Variants in MMP9 observed in about 807,000 individuals in gnomAD.
MMP9 encodes matrix metalloproteinase-9.
In MMP9, 73 loss-of-function variants were observed where a neutral mutation model predicts 76.4. That is an observed-to-expected ratio of 0.96 (90% CI 0.79 to 1.16). MMP9 has a LOEUF of 1.16. MMP9 is among the 50% of genes most tolerant of loss of function. The probability of loss-of-function intolerance (pLI) is 0.00; values close to 1 mark genes in which losing one functional copy is unlikely to be tolerated. For synonymous variants in MMP9, 412 were observed against 408.4 expected, an observed-to-expected ratio of 1.01 and a Z score of -0.11; for missense variants, 943 against 973.0, an observed-to-expected ratio of 0.97 and a Z score of 0.41.
At chr20:46,010,331 A>ACAAACAAAC (rs1568846626) in intron 2 of MMP9, 152 bp from the exon 3 acceptor site, 28 of 762,192 alleles carry the variant, frequency 3.7e-5, no homozygotes, top group African/African-American at 1.9e-4. Flanking sequence ...CAAAAAAAAA[A>ACAAACAAAC]AAAAAAAAAA....
chr20:46,010,337 A>AAAAAAAAAAAAC (rs1272580918), intron 2 of MMP9, 146 bp from the exon 3 acceptor site: 33 of 898,442 alleles, frequency 3.7e-5, no homozygotes, highest in Admixed American at 2.4e-4. Context: ...AAAAAAAAAA[A>AAAAAAAAAAAAC]AAAACAGTCT....
Position 46,010,074 on chromosome 20 carries a change from G to T in MMP9, c.347G>T (p.Trp116Leu). 1 of 1,550,152 alleles carries T rather than the reference G, an allele frequency of 6.5e-7. No individual in the cohort carries two copies. The highest frequency in any genetic ancestry group is 1.2e-5 in the South Asian group (1 of 83,984). The change falls in exon 2 of 13, where the codon TGG (tryptophan) becomes TTG (leucine). Residue 116 changes from tryptophan (W) to leucine (L), a missense_variant. Transcript: ENST00000372330. ...RFQTFEGDLKWHHHNITYWIQ... is the reference protein window; with the variant it reads ...RFQTFEGDLKLHHHNITYWIQ... ...CAAACCTTTGAGGGCGACCTCAAGT[G>T]GCACCACCACAACATCACCTATTGG... is the stretch of plus-strand genomic sequence containing the variant.
rs1600573638 is a variant in MMP9, at chr20:46,008,941, G to A, written c.15G>A (p.Gln5=). 3 of 1,613,862 alleles carry A rather than the reference G, an allele frequency of 1.9e-6. No individual in the cohort carries two copies. Among genetic ancestry groups the A allele is most frequent in the East Asian group, 4.5e-5 (2 of 44,872 alleles). The change falls in exon 1 of 13, where the codon CAG becomes CAA. Residue 5 remains glutamine (Q), a synonymous_variant. Coordinates refer to ENST00000372330, the MANE Select transcript of MMP9 (RefSeq NM_004994.3). ...CTGCCCTCACCATGAGCCTCTGGCA[G>A]CCCCTGGTCCTGGTGCTCCTGGTGC... is the stretch of plus-strand genomic sequence containing the variant. MSLW[Q]PLVLVLLVLG...
intron 12 of MMP9, among the ~76,000 whole-genome samples, chr20:46,015,012 T>G (rs1364710855): frequency 1.3e-5 from 2 of 152,232 alleles, no homozygotes; most frequent in African/African-American, 4.8e-5. Flanking sequence ...CCATCTTCTT[T>G]ATAAACACCC....
chr20:46,010,760 C>T, intron 3 of MMP9, 129 bp downstream of exon 3: 1 of 1,543,086 alleles, frequency 6.5e-7, no homozygotes, highest in Non-Finnish European at 8.8e-7. Flanking sequence ...GCTTATACGG[C>T]CCCTCCTGCC....
At chr20:46,012,836 TA>T (rs1229552308) in intron 8 of MMP9, among the ~76,000 whole-genome samples, 11 of 152,200 alleles carry the variant, frequency 7.2e-5, no homozygotes, top group African/African-American at 2.4e-4. Flanking sequence ...CTCACGCCTC[TA>T]ATCCCAGGGC....
At chr20:46,014,870 CCA>C (rs1435441403) in intron 12 of MMP9, 1 of 221,356 alleles carries the variant, frequency 4.5e-6, no homozygotes, top group Non-Finnish European at 9.1e-6. Context: ...CTCAGTTTCC[CCA>C]TCTGTAATAT....
intron 12 of MMP9, among the ~76,000 whole-genome samples, chr20:46,015,663 G>A (rs977512415): frequency 7.2e-5 from 11 of 151,962 alleles, no homozygotes; most frequent in Non-Finnish European, 1.6e-4. Flanking sequence ...ATCTTGGCCA[G>A]GCTGGTCTTG....
At chr20:46,011,512 C>T in intron 5 of MMP9, 62 bp from the exon 6 acceptor site, 1 of 1,601,182 alleles carries the variant, frequency 6.2e-7, no homozygotes, top group South Asian at 1.1e-5. Flanking sequence ...ACAGGACACA[C>T]TTGGGGGTTA....
In MMP9 at chr20:46,013,617, C is replaced by T. The variant is rs1249461345; in HGVS notation, c.1611-40C>T. On this transcript the variant is annotated intron_variant, in intron 9 of 12. Coordinates refer to ENST00000372330, the MANE Select transcript of MMP9 (RefSeq NM_004994.3). This position sits in a 1 kb window ranked among gnomAD's most constrained non-coding sequence, Gnocchi z 4.5. ...CCTTCCCGCCCACTGGCCCTGTGTC[C>T]AAGGCTTAGAGCCCGTCCTTTCCCT... is the stretch of plus-strand genomic sequence containing the variant. The T allele has an allele frequency of 1.2e-6, 2 of 1,613,646 alleles. No individual in the cohort carries two copies. The highest frequency in any genetic ancestry group is 1.7e-6 in the Non-Finnish European group (2 of 1,179,740).
At chr20:46,014,609 G>A in intron 12 of MMP9, 135 bp downstream of exon 12, 1 of 943,064 alleles carries the variant, frequency 1.1e-6, no homozygotes, top group Non-Finnish European at 1.6e-6. Flanking sequence ...TCCCAGCAGA[G>A]GCAGAGGCCT....
chr20:46,010,497 C>G lies in MMP9; in HGVS notation c.386C>G (p.Ser129Trp), dbSNP rs756724622. The G allele has an allele frequency of 1.9e-6, 3 of 1,614,048 alleles. No homozygotes were observed. In the East Asian group the frequency reaches 6.7e-5, roughly 36 times the overall value. The change falls in exon 3 of 13, where the codon TCG becomes TGG. Residue 129 changes from serine to tryptophan, a missense_variant. Coordinates refer to ENST00000372330, the MANE Select transcript of MMP9 (RefSeq NM_004994.3). ...TTACGCTACAGGATCCAAAACTACT[C>G]GGAAGACTTGCCGCGGGCGGTGATT... ...HNITYWIQNY[S>W]EDLPRAVIDD...
At position 46,012,320 on chromosome 20, in the gene MMP9, G is replaced by A. The variant is rs3918256; in HGVS notation, c.1174+7G>A. The A allele has an allele frequency of 0.52, 831,991 of 1,612,638 alleles. 229,962 individuals carry two copies. Among genetic ancestry groups the A allele is most frequent in the Non-Finnish European group, 0.58 (684,547 of 1,179,932 alleles). On this transcript the variant is annotated splice_region_variant and intron_variant, in intron 7 of 12. Coordinates refer to ENST00000372330, the MANE Select transcript of MMP9 (RefSeq NM_004994.3). ...GGCTTCTGCCCGGACCAAGGTAGGC[G>A]TGGTCCCGCGGCTCCGGGGCTGGGG...
intron 6 of MMP9, 95 bp from the exon 7 acceptor site, chr20:46,012,042 A>T: frequency 6.6e-7 from 1 of 1,509,188 alleles, no homozygotes; most frequent in Non-Finnish European, 9.0e-7. Flanking sequence ...AGCGCCCCCT[A>T]GGCCACCAAG....
At chr20:46,010,343 A>AAAAAAAAAAAAAAAAG in intron 2 of MMP9, 140 bp from the exon 3 acceptor site, 1 of 926,568 alleles carries the variant, frequency 1.1e-6, no homozygotes, top group Non-Finnish European at 1.6e-6. Context: ...AAAAAAAAAC[A>AAAAAAAAAAAAAAAAG]GTCTGGAAGC....
chr20:46,011,776 C>T, intron 6 of MMP9, 29 bp downstream of exon 6: 6 of 1,595,348 alleles, frequency 3.8e-6, no homozygotes, highest in Non-Finnish European at 5.1e-6. Context: ...CCAGGTTCAG[C>T]CCCGCCCTCT....
chr20:46,011,106 C>T (rs1448241384), intron 4 of MMP9, 37 bp from the exon 5 acceptor site: 2 of 1,613,862 alleles, frequency 1.2e-6, no homozygotes, highest in Admixed American at 1.7e-5. Context: ...CCACTCATCA[C>T]CCGCCGCCCT....
chr20:46,009,216 T>TG, intron 1 of MMP9, 152 bp downstream of exon 1: 1 of 903,228 alleles, frequency 1.1e-6, no homozygotes, highest in South Asian at 1.5e-5. Context: ...GGTTAGGCAG[T>TG]GGGGGGTCTT....
intron 12 of MMP9, chr20:46,014,691 A>T (rs1368152239): frequency 6.5e-6 from 4 of 613,824 alleles, no homozygotes; most frequent in Non-Finnish European, 1.2e-5. Context: ...CCCGGCTGGA[A>T]GCTCTTTCTC....
Sources: allele counts gnomAD v4.1 joint callset (sites outside exome capture counted in the v4.1 genomes callset), GRCh38; gene constraint gnomAD v4.1.1; non-coding constraint Gnocchi (gnomAD v3.1); transcripts MANE v1.5; gene names NCBI Gene and HGNC (gene_info 2026-07-23, HGNC 2026-07-21).